The following RBFOX1 variants were observed in gnomAD, a reference collection of about 807,000 sequenced individuals.
The protein encoded by RBFOX1 is RNA binding fox-1 homolog 1, also known as RNA binding protein fox-1 homolog 1.
In RBFOX1, 8 loss-of-function variants were observed where a neutral mutation model predicts 57.7. The ratio of observed to expected loss-of-function variants is 0.14; its 90% CI spans 0.08 to 0.25. The LOEUF is 0.25. Ranked by LOEUF, RBFOX1 falls within the 10% of genes least tolerant of loss-of-function variation. The probability of loss-of-function intolerance (pLI) is 1.00; values close to 1 mark genes in which losing one functional copy is unlikely to be tolerated. For synonymous variants in RBFOX1, 326 were observed against 222.4 expected, an observed-to-expected ratio of 1.47 and a Z score of -4.15; for missense variants, 611 against 548.5, an observed-to-expected ratio of 1.11 and a Z score of -1.14.
intron 1 of RBFOX1, among the ~76,000 whole-genome samples, chr16:5,323,583 A>G (rs1486488965): frequency 6.6e-6 from 1 of 152,242 alleles, no homozygotes; most frequent in Non-Finnish European, 1.5e-5. Context: ...TTAATTAGAC[A>G]TTTCAGAAGA....
intron 4 of RBFOX1, among the ~76,000 whole-genome samples, chr16:7,253,909 G>C (rs1032797743): frequency 2.6e-5 from 4 of 152,176 alleles, no homozygotes; most frequent in Non-Finnish European, 5.9e-5. Context: ...TGAATCTGAA[G>C]AGTCTTTATA....
chr16:6,585,628 C>A (rs960225656), intron 2 of RBFOX1, among the ~76,000 whole-genome samples: 5 of 152,102 alleles, frequency 3.3e-5, no homozygotes, highest in Admixed American at 2.0e-4. Flanking sequence ...CTGGTTAGAT[C>A]AATGACATAG....
intron 3 of RBFOX1, among the ~76,000 whole-genome samples, chr16:7,022,808 T>C (rs533482715): frequency 2.0e-5 from 3 of 152,326 alleles, no homozygotes; most frequent in East Asian, 3.9e-4. Flanking sequence ...TCTATTCTTA[T>C]TGACCTGATT....
rs1366471899 is a variant in RBFOX1, at chr16:6,904,599, T to TGA, written c.-15-147458_-15-147457insGA. 4.5e-4 allele frequency among the ~76,000 whole-genome samples: 29 copies of TGA among 64,032 alleles called. No individual in the cohort carries two copies. In the South Asian group the frequency reaches 5.2e-3, roughly 11 times the overall value. 42.0% of individuals were successfully genotyped at this position (64,032 alleles called of 152,430 possible). The stretch of plus-strand genomic sequence containing the variant: ...CTGGGTGACAGAGTGAGACTCTCTC[T>TGA]AAAAAAAAAAAAAAAAAAAAAAAAA... On this transcript the variant is annotated intron_variant, in intron 3 of 15. Transcript: ENST00000550418.
intron 1 of RBFOX1, among the ~76,000 whole-genome samples, chr16:5,422,691 G>A (rs1596993317): frequency 7.5e-6 from 1 of 133,446 alleles, no homozygotes; most frequent in African/African-American, 2.9e-5. Flanking sequence ...GCAGGAAGGA[G>A]AGGGATGGGG....
intron 1 of RBFOX1, among the ~76,000 whole-genome samples, chr16:5,336,127 G>A (rs944980193): frequency 2.0e-5 from 3 of 152,044 alleles, no homozygotes; most frequent in Non-Finnish European, 2.9e-5. Context: ...TTTTTGGCTC[G>A]GAGTTCATCT....
chr16:5,576,027 C>A (rs1055810931), intron 2 of RBFOX1, among the ~76,000 whole-genome samples: 14 of 151,962 alleles, frequency 9.2e-5, no homozygotes, highest in Non-Finnish European at 2.9e-5. Context: ...CACTCTGTCA[C>A]CCAGGCTGGA....
At chr16:6,833,623 A>G (rs72766790) in intron 3 of RBFOX1, among the ~76,000 whole-genome samples, 10,272 of 152,286 alleles carry the variant, frequency 0.067, 513 homozygotes, top group Non-Finnish European at 0.11. Flanking sequence ...TACATGTCAC[A>G]GGGCAGAGAT....
chr16:7,365,060 A>G (rs369293750), intron 4 of RBFOX1, among the ~76,000 whole-genome samples: 57 of 152,188 alleles, frequency 3.7e-4, no homozygotes, highest in East Asian at 2.5e-3. Flanking sequence ...TCAATCATCT[A>G]TCTATCATTC....
chr16:5,333,691 G>A (rs2064820979), intron 1 of RBFOX1, among the ~76,000 whole-genome samples: 3 of 152,100 alleles, frequency 2.0e-5, no homozygotes, highest in Admixed American at 6.5e-5. Flanking sequence ...AACATCACAG[G>A]GTGCACTTAT....
chr16:6,159,442 G>C (rs1055755236), intron 1 of RBFOX1, among the ~76,000 whole-genome samples: 1 of 152,128 alleles, frequency 6.6e-6, no homozygotes, highest in African/African-American at 2.4e-5. Context: ...TGTGAGCAAA[G>C]AATGCTCAAA....
intron 1 of RBFOX1, among the ~76,000 whole-genome samples, chr16:5,359,759 T>C (rs561621918): frequency 1.8e-4 from 27 of 152,350 alleles, no homozygotes; most frequent in Admixed American, 7.8e-4. Context: ...TTGTCCATTT[T>C]TGCTTTGGTT....
chr16:6,840,596 A>G (rs2141427246), intron 3 of RBFOX1, among the ~76,000 whole-genome samples: 1 of 152,158 alleles, frequency 6.6e-6, no homozygotes, highest in Non-Finnish European at 1.5e-5. Flanking sequence ...TGCCTTCATA[A>G]AAAGGCTTGA....
intron 3 of RBFOX1, among the ~76,000 whole-genome samples, chr16:5,818,909 C>CT (rs2055744948): frequency 6.6e-6 from 1 of 152,170 alleles, no homozygotes; most frequent in African/African-American, 2.4e-5. Flanking sequence ...AAATACATCA[C>CT]CTTTGACTCA....
chr16:6,565,531 A>G (rs2097252441), intron 2 of RBFOX1, among the ~76,000 whole-genome samples: 1 of 151,498 alleles, frequency 6.6e-6, no homozygotes. Context: ...TGCTCGGATT[A>G]CAGGTGTGAG....
chr16:5,765,193 A>C (rs1163462316), intron 3 of RBFOX1, among the ~76,000 whole-genome samples: 1 of 152,166 alleles, frequency 6.6e-6, no homozygotes, highest in Non-Finnish European at 1.5e-5. Flanking sequence ...AAGAATACAC[A>C]TATCCTCTCC....
intron 3 of RBFOX1, among the ~76,000 whole-genome samples, chr16:6,895,416 A>ATGTG (rs1283665182): frequency 3.8e-5 from 3 of 79,888 alleles, no homozygotes; most frequent in African/African-American, 8.9e-5. Flanking sequence ...TGTTAGTAAT[A>ATGTG]TATGTGTGTG....
intron 5 of RBFOX1, among the ~76,000 whole-genome samples, chr16:7,567,712 ATATATATATATCCCTATATATAATCCC>A (rs1436462106): frequency 0.013 from 51 of 3,808 alleles, no homozygotes; most frequent in East Asian, 0.041. Context: ...TATAATCCCT[ATATATATATATCCCTATATATAATCCC>A]TATATATATC....
intron 3 of RBFOX1, among the ~76,000 whole-genome samples, chr16:6,917,923 T>C (rs2073593887): frequency 6.6e-6 from 1 of 152,148 alleles, no homozygotes; most frequent in Non-Finnish European, 1.5e-5. Context: ...GTATTATCCC[T>C]TTAGGGTGTT....
Sources: allele counts gnomAD v4.1 joint callset (sites outside exome capture counted in the v4.1 genomes callset), GRCh38; gene constraint gnomAD v4.1.1; transcripts MANE v1.5; gene names NCBI Gene and HGNC (gene_info 2026-07-23, HGNC 2026-07-21).